The following ATXN1 variants were observed in gnomAD, a reference collection of about 807,000 sequenced individuals.
ATXN1 encodes the protein ataxin-1.
ATXN1 carries 8 observed loss-of-function variants against 56.4 expected under a neutral mutation model. The observed-to-expected ratio is 0.14, with a 90% confidence interval of 0.08 to 0.26. The LOEUF is 0.26. Among genes scored for constraint, ATXN1 ranks in the 10% least tolerant of loss-of-function variants. The probability of loss-of-function intolerance (pLI) is 1.00; values close to 1 mark genes in which losing one functional copy is unlikely to be tolerated. For missense variants in ATXN1, 987 were observed against 1,106.5 expected (o/e 0.89, Z 1.53); for synonymous variants, 514 against 494.6 (o/e 1.04, Z -0.52).
At chr6:16,389,772 T>C (rs568287760) in intron 6 of ATXN1, among the ~76,000 whole-genome samples, 1 of 152,366 alleles carries the variant, frequency 6.6e-6, no homozygotes, top group East Asian at 1.9e-4. Flanking sequence ...GCAATCGTTC[T>C]ATTTCAAATA....
At chr6:16,372,591 T>C (rs1430434634) in intron 6 of ATXN1, among the ~76,000 whole-genome samples, 2 of 152,182 alleles carry the variant, frequency 1.3e-5, no homozygotes, top group South Asian at 4.1e-4. Context: ...GACACCTTTA[T>C]AGTAGTATTT....
At chr6:16,600,390 T>G (rs1311245661) in intron 3 of ATXN1, among the ~76,000 whole-genome samples, 1 of 152,114 alleles carries the variant, frequency 6.6e-6, no homozygotes, top group Admixed American at 6.5e-5. Flanking sequence ...CAGGCATAAC[T>G]TTTTTTGAAA....
Position 16,714,695 on chromosome 6 carries a change from G to T in ATXN1, c.-615+38538C>A, listed in dbSNP as rs193089919. On this transcript the variant is annotated intron_variant, in intron 2 of 7. Transcript: ENST00000436367. ...CTTTGAAAGCTCTGTGATGGGTGTA[G>T]GCTGAACTGCTGGGCTGTACTGTTT... Among the ~76,000 whole-genome samples the T allele has an allele frequency of 2.6e-3, 400 of 152,144 alleles. 3 individuals carry two copies. The highest frequency in any genetic ancestry group is 4.3e-3 in the Admixed American group (66 of 15,280).
At chr6:16,490,414 T>C (rs1202872227) in intron 5 of ATXN1, among the ~76,000 whole-genome samples, 17 of 152,234 alleles carry the variant, frequency 1.1e-4, no homozygotes, top group Non-Finnish European at 4.4e-5. Flanking sequence ...CTCTCTCTTC[T>C]GTTTACCAAC....
rs773276551 is a variant in ATXN1 at position 16,316,468 on chromosome 6, C to T, written c.1918-9609G>A. On this transcript the variant is annotated intron_variant, in intron 7 of 7. Transcript: ENST00000436367. ...TCAGTTAAAATCTGAAAGAAGAGGC[C>T]GGGCATGGTGGCTCACACCTGTAAT... 2.4e-4 allele frequency among the ~76,000 whole-genome samples: 36 copies of T among 152,128 alleles called. 1 individual carries two copies. The highest frequency in any genetic ancestry group is 1.7e-3 in the South Asian group (8 of 4,818).
intron 2 of ATXN1, chr6:16,737,357 T>C (rs1321967775): frequency 6.6e-6 from 1 of 152,318 alleles, no homozygotes; most frequent in East Asian, 1.9e-4. Flanking sequence ...TTGTAAACCA[T>C]GTGTAGAGAC....
intron 3 of ATXN1, among the ~76,000 whole-genome samples, chr6:16,613,218 T>C (rs542517359): frequency 1.4e-5 from 2 of 144,772 alleles, no homozygotes; most frequent in South Asian, 2.2e-4. Context: ...TGAGCCGAGA[T>C]TGTGCCACTG....
At chr6:16,593,455 A>C (rs1251483475) in intron 3 of ATXN1, among the ~76,000 whole-genome samples, 1 of 152,198 alleles carries the variant, frequency 6.6e-6, no homozygotes, top group East Asian at 1.9e-4. Flanking sequence ...ATGCACTAAC[A>C]TGTACGTAAC....
In ATXN1 at chr6:16,703,284, G is replaced by C. The variant is rs187335462; in HGVS notation, c.-614-45383C>G. Reference sequence around the variant, plus strand: ...CTCATAGGTGGGAATTGAACAATGAGAACACTTGGGCACAGGAAGGGGAAC... The same window carrying C: ...CTCATAGGTGGGAATTGAACAATGACAACACTTGGGCACAGGAAGGGGAAC... On this transcript the variant is annotated intron_variant, in intron 2 of 7. Transcript: ENST00000436367. 7.0e-3 allele frequency among the ~76,000 whole-genome samples: 1,067 copies of C among 152,204 alleles called. 20 individuals carry two copies. The highest frequency in any genetic ancestry group is 0.024 in the African/African-American group (1,012 of 41,492).
intron 2 of ATXN1, among the ~76,000 whole-genome samples, chr6:16,722,181 C>T (rs1470084193): frequency 2.0e-5 from 3 of 152,180 alleles, no homozygotes; most frequent in South Asian, 2.1e-4. Context: ...AGTCCAAGCA[C>T]GCACATTACA....
At chr6:16,460,347 A>G (rs1260653022) in intron 6 of ATXN1, among the ~76,000 whole-genome samples, 1 of 152,094 alleles carries the variant, frequency 6.6e-6, no homozygotes, top group African/African-American at 2.4e-5. Flanking sequence ...GAACCCCACA[A>G]CCTAAGTAAG....
intron 6 of ATXN1, among the ~76,000 whole-genome samples, chr6:16,473,502 T>C (rs979302016): frequency 1.3e-5 from 2 of 152,216 alleles, no homozygotes; most frequent in Admixed American, 1.3e-4. Context: ...CCAGAGCCTT[T>C]AGAACACATT....
chr6:16,609,116 C>T (rs1188254205), intron 3 of ATXN1, among the ~76,000 whole-genome samples: 1 of 152,202 alleles, frequency 6.6e-6, no homozygotes, highest in Non-Finnish European at 1.5e-5. Flanking sequence ...TTGGGATTCT[C>T]TTTCTTGAAA....
chr6:16,625,594 C>A (rs1763393855), intron 3 of ATXN1, among the ~76,000 whole-genome samples: 1 of 152,064 alleles, frequency 6.6e-6, no homozygotes, highest in African/African-American at 2.4e-5. Context: ...CAAATATTTA[C>A]TGAAGACCTA....
intron 7 of ATXN1, among the ~76,000 whole-genome samples, chr6:16,311,850 G>T (rs748210347): frequency 6.6e-6 from 1 of 152,186 alleles, no homozygotes; most frequent in African/African-American, 2.4e-5. Flanking sequence ...CATCTGTCTC[G>T]TAAGACTCTC....
At chr6:16,348,229 A>G (rs1761477614) in intron 6 of ATXN1, among the ~76,000 whole-genome samples, 1 of 152,166 alleles carries the variant, frequency 6.6e-6, no homozygotes, top group South Asian at 2.1e-4. Context: ...ACATCTAGCT[A>G]CATTTTAAAC....
intron 6 of ATXN1, among the ~76,000 whole-genome samples, chr6:16,438,027 G>A (rs937524157): frequency 6.6e-6 from 1 of 152,234 alleles, no homozygotes; most frequent in East Asian, 1.9e-4. Flanking sequence ...CATGAGGCTA[G>A]GGGTAGGGGG....
chr6:16,720,193 T>C (rs1759718003), intron 2 of ATXN1, among the ~76,000 whole-genome samples: 1 of 152,168 alleles, frequency 6.6e-6, no homozygotes, highest in Non-Finnish European at 1.5e-5. Flanking sequence ...TCCTATACCT[T>C]ACTGCAGTCT....
rs561406742 is a variant in ATXN1 at position 16,725,270 on chromosome 6, G to A, written c.-615+27963C>T. On this transcript the variant is annotated intron_variant, in intron 2 of 7. Coordinates refer to ENST00000436367, the MANE Select transcript of ATXN1 (RefSeq NM_001128164.2). ...AGTTTTCTGTGTTTATTTAGGTTTC[G>A]AGAACTGCTATTTATTACTCCGATA... Among the ~76,000 whole-genome samples the A allele has an allele frequency of 4.6e-5, 7 of 152,246 alleles. No homozygotes were observed. The South Asian group carries it at 1.0e-3, about 23-fold the overall frequency.
Sources: allele counts gnomAD v4.1 joint callset (sites outside exome capture counted in the v4.1 genomes callset), GRCh38; gene constraint gnomAD v4.1.1; transcripts MANE v1.5; gene names NCBI Gene and HGNC (gene_info 2026-07-23, HGNC 2026-07-21).